The following EYS variants were observed in gnomAD, a reference collection of about 807,000 sequenced individuals.
The protein encoded by EYS is EGF-like photoreceptor maintenance factor.
EYS carries 250 observed loss-of-function variants against 282.1 expected under a neutral mutation model. The observed-to-expected ratio is 0.89, with a 90% confidence interval of 0.80 to 0.98. EYS has a LOEUF of 0.98. Among genes scored for constraint, EYS ranks in the 50% least tolerant of loss-of-function variants. EYS has a pLI of 0.00. For synonymous variants in EYS, 1,355 were observed against 1,282.9 expected (o/e 1.06, Z -1.20); for missense variants, 4,016 against 3,709.0 (o/e 1.08, Z -2.15).
At chr6:63,843,551 C>T (rs1391413279) in intron 36 of EYS, among the ~76,000 whole-genome samples, 3 of 152,142 alleles carry the variant, frequency 2.0e-5, no homozygotes, top group Non-Finnish European at 4.4e-5. Flanking sequence ...AATTCCAACA[C>T]TCCTTCATGC....
In EYS at chr6:64,562,230, C is replaced by A. The variant is rs899519898; in HGVS notation, c.5644+27993G>T. ...TTTTGACATTTATCATTATCTTATT[C>A]TTTTCCTTATTAATTCTGGAATTTC... On this transcript the variant is annotated intron_variant, in intron 26 of 42. Coordinates refer to ENST00000503581, the MANE Select transcript of EYS (RefSeq NM_001142800.2). 4.6e-5 allele frequency among the ~76,000 whole-genome samples: 7 copies of A among 151,216 alleles called. 1 individual carries two copies. The highest frequency in any genetic ancestry group is 6.4e-3 in the Middle Eastern group (2 of 314).
intron 8 of EYS, among the ~76,000 whole-genome samples, chr6:65,365,318 C>T (rs1764873880): frequency 6.6e-6 from 1 of 151,488 alleles, no homozygotes; most frequent in Admixed American, 6.7e-5. Flanking sequence ...CCTTCTTACG[C>T]CTGAAAAATT....
chr6:63,759,929 CAG>C (rs1293749710), intron 41 of EYS, among the ~76,000 whole-genome samples: 3 of 151,972 alleles, frequency 2.0e-5, no homozygotes, highest in African/African-American at 7.2e-5. Flanking sequence ...CAATGGAAAT[CAG>C]GGACTGGTTG....
intron 31 of EYS, among the ~76,000 whole-genome samples, chr6:64,214,961 C>T (rs1765887557): frequency 6.6e-6 from 1 of 151,784 alleles, no homozygotes. Flanking sequence ...TCAAAGGAGT[C>T]CTAGAAAATT....
At chr6:65,358,980 G>A (rs576923995) in intron 8 of EYS, among the ~76,000 whole-genome samples, 9 of 152,056 alleles carry the variant, frequency 5.9e-5, no homozygotes, top group African/African-American at 2.2e-4. Context: ...GCCAAGGTTT[G>A]GAAATACACA....
chr6:65,438,474 C>G (rs1768174371), intron 5 of EYS, among the ~76,000 whole-genome samples: 1 of 152,168 alleles, frequency 6.6e-6, no homozygotes, highest in Non-Finnish European at 1.5e-5. Context: ...GTCCCACCAA[C>G]AGTGTAAAAG....
rs867655135 is a variant in EYS at position 64,622,921 on chromosome 6, A to G, written c.3568+3200T>C. On this transcript the variant is annotated intron_variant, in intron 23 of 42. Transcript: ENST00000503581. ...AATGAATCAGTCTTTGTGTTTTTCT[A>G]TGGCATTTAGGAGAAAGCAAATTGC... Among the ~76,000 whole-genome samples, 175 of 152,280 alleles carry G rather than the reference A, an allele frequency of 1.1e-3. 3 individuals are homozygous for G. The highest frequency in any genetic ancestry group is 3.6e-3 in the African/African-American group (151 of 41,570).
chr6:64,091,678 T>C (rs917178396), intron 31 of EYS, among the ~76,000 whole-genome samples: 8 of 152,154 alleles, frequency 5.3e-5, no homozygotes, highest in African/African-American at 1.9e-4. Context: ...AACATGACCA[T>C]GTGATTGAAA....
intron 31 of EYS, among the ~76,000 whole-genome samples, chr6:64,090,746 C>T (rs1772328726): frequency 6.6e-6 from 1 of 152,106 alleles, no homozygotes; most frequent in Non-Finnish European, 1.5e-5. Flanking sequence ...GTCATCCAAA[C>T]TTCTTCCTTT....
intron 12 of EYS, among the ~76,000 whole-genome samples, chr6:65,292,487 G>C (rs957831262): frequency 6.6e-6 from 1 of 151,724 alleles, no homozygotes; most frequent in Admixed American, 6.6e-5. Flanking sequence ...TAATGTGGAC[G>C]AGATAGTCTT....
chr6:64,071,056 T>C (rs551878704), intron 32 of EYS, among the ~76,000 whole-genome samples: 1 of 152,104 alleles, frequency 6.6e-6, no homozygotes, highest in South Asian at 2.1e-4. Flanking sequence ...ACTAGACTTA[T>C]TGCTCAACAT....
At chr6:63,949,605 T>C (rs1305874745) in intron 35 of EYS, among the ~76,000 whole-genome samples, 1 of 152,192 alleles carries the variant, frequency 6.6e-6, no homozygotes, top group Non-Finnish European at 1.5e-5. Context: ...ATAGATGCCA[T>C]TTGTATAACT....
intron 30 of EYS, among the ~76,000 whole-genome samples, chr6:64,271,741 A>G (rs2150357555): frequency 6.6e-6 from 1 of 152,066 alleles, no homozygotes; most frequent in Admixed American, 6.5e-5. Flanking sequence ...TAAACACTTT[A>G]TCCACCTCAT....
chr6:64,626,000 C>T (rs755781241), intron 23 of EYS, 121 bp downstream of exon 23: 7 of 576,168 alleles, frequency 1.2e-5, no homozygotes, highest in African/African-American at 1.9e-5. Flanking sequence ...GATTAGTAGT[C>T]AACAATAGTA....
intron 31 of EYS, among the ~76,000 whole-genome samples, chr6:64,200,654 G>A (rs1354989580): frequency 6.6e-6 from 1 of 152,124 alleles, no homozygotes; most frequent in Non-Finnish European, 1.5e-5. Context: ...TGTGGAACAG[G>A]AGAGAAGCAG....
chr6:64,487,686 G>A (rs1012050802), intron 26 of EYS, among the ~76,000 whole-genome samples: 2 of 150,708 alleles, frequency 1.3e-5, no homozygotes, highest in Non-Finnish European at 3.0e-5. Flanking sequence ...TAATTTTTAT[G>A]TGTACTTTCT....
intron 1 of EYS, among the ~76,000 whole-genome samples, chr6:65,677,839 C>T (rs1361676992): frequency 2.0e-5 from 3 of 151,980 alleles, no homozygotes; most frequent in Admixed American, 1.3e-4. Flanking sequence ...GGCATAAAGG[C>T]AGACATATAA....
chr6:65,443,176 G>GCA (rs1768449133), intron 5 of EYS, among the ~76,000 whole-genome samples: 1 of 144,132 alleles, frequency 6.9e-6, no homozygotes, highest in East Asian at 2.1e-4. Flanking sequence ...GCACATATGT[G>GCA]CACATCATAT....
intron 36 of EYS, among the ~76,000 whole-genome samples, chr6:63,824,909 A>G (rs1048862120): frequency 2.0e-5 from 3 of 152,332 alleles, no homozygotes; most frequent in Non-Finnish European, 1.5e-5. Flanking sequence ...CCTCCTGGCC[A>G]GAACTTGGGG....
Sources: allele counts gnomAD v4.1 joint callset (sites outside exome capture counted in the v4.1 genomes callset), GRCh38; gene constraint gnomAD v4.1.1; transcripts MANE v1.5; gene names NCBI Gene and HGNC (gene_info 2026-07-23, HGNC 2026-07-21).